ZBTB20: variants seen among roughly 807,000 people sequenced by gnomAD.
ZBTB20 encodes zinc finger and BTB domain containing 20.
ZBTB20 carries 9 observed loss-of-function variants against 56.9 expected under a neutral mutation model. The observed-to-expected ratio is 0.16, with a 90% confidence interval of 0.10 to 0.28. ZBTB20 has a LOEUF of 0.28. ZBTB20 is among the 10% of genes least tolerant of loss of function. The pLI is 1.00. For synonymous variants in ZBTB20, 417 were observed against 420.7 expected (o/e 0.99, Z 0.11); for missense variants, 655 against 1,003.0 (o/e 0.65, Z 4.69).
At chr3:114,389,285 G>T (rs979191958) in intron 7 of ZBTB20, among the ~76,000 whole-genome samples, 180 bp from the exon 8 acceptor site, 1 of 152,108 alleles carries the variant, frequency 6.6e-6, no homozygotes, top group Non-Finnish European at 1.5e-5. Context: ...TGTTGTCCAG[G>T]CTCCATTTTC....
intron 1 of ZBTB20, among the ~76,000 whole-genome samples, chr3:115,080,780 T>C (rs1261917843): frequency 1.3e-5 from 2 of 152,146 alleles, no homozygotes; most frequent in East Asian, 3.8e-4. Flanking sequence ...ATTTTCTTTT[T>C]CCTCAAGATC....
chr3:114,795,997 G>A (rs1181336586), intron 5 of ZBTB20, among the ~76,000 whole-genome samples: 4 of 152,004 alleles, frequency 2.6e-5, no homozygotes, highest in African/African-American at 9.7e-5. Flanking sequence ...CTCAATAAAA[G>A]TGTAGATGAG....
intron 10 of ZBTB20, among the ~76,000 whole-genome samples, chr3:114,366,291 A>G (rs898007350): frequency 6.6e-5 from 10 of 152,132 alleles, no homozygotes; most frequent in Non-Finnish European, 1.0e-4. Context: ...TTTAACTAAG[A>G]AGTTCTATCT....
intron 10 of ZBTB20, among the ~76,000 whole-genome samples, chr3:114,362,565 C>T (rs1360503450): frequency 3.9e-5 from 6 of 152,130 alleles, no homozygotes; most frequent in Non-Finnish European, 7.4e-5. Context: ...CCCTACCTAC[C>T]CACAGTTCTA....
intron 2 of ZBTB20, among the ~76,000 whole-genome samples, chr3:114,979,058 A>G (rs1038558605): frequency 6.6e-6 from 1 of 152,082 alleles, no homozygotes; most frequent in Admixed American, 6.6e-5. Flanking sequence ...AACAACAAAG[A>G]AAGAAAAATA....
At chr3:114,876,571 C>T (rs1268377572) in intron 4 of ZBTB20, 1 of 152,148 alleles carries the variant, frequency 6.6e-6, no homozygotes, top group East Asian at 1.9e-4. Context: ...AAAATTTTGA[C>T]TTGGAGTTAA....
In ZBTB20 at chr3:114,962,885, C is replaced by T. The variant is rs2077506789; in HGVS notation, c.-456+11481G>A. Among the ~76,000 whole-genome samples the T allele has an allele frequency of 2.0e-5, 3 of 152,082 alleles. No homozygotes were observed. In the South Asian group the frequency reaches 6.2e-4, roughly 31 times the overall value. Reference sequence around the variant, plus strand: ...GTTTAAGAAAGTGGAGGAAGCTATGCATGAAAAATAGTGTACTTAGTTGAG... The same window carrying T: ...GTTTAAGAAAGTGGAGGAAGCTATGTATGAAAAATAGTGTACTTAGTTGAG... On this transcript the variant is annotated intron_variant, in intron 3 of 11. Transcript: ENST00000675478.
intron 6 of ZBTB20, among the ~76,000 whole-genome samples, chr3:114,532,021 C>T (rs572577870): frequency 2.0e-5 from 3 of 152,240 alleles, no homozygotes; most frequent in East Asian, 3.9e-4. Flanking sequence ...TGGGTGCCTA[C>T]ACCACGAGGG....
In ZBTB20 at chr3:114,465,230, C is replaced by T. The variant is rs144147869; in HGVS notation, c.-255+35122G>A. Reference sequence around the variant, plus strand: ...TGGTGAGTGTTTGTTCTCTGTTAGGCTTGGTGCATATTAATTCGTACATAT... The same window carrying T: ...TGGTGAGTGTTTGTTCTCTGTTAGGTTTGGTGCATATTAATTCGTACATAT... On this transcript the variant is annotated intron_variant, in intron 7 of 11. Coordinates refer to ENST00000675478, the MANE Select transcript of ZBTB20 (RefSeq NM_001348800.3). Among the ~76,000 whole-genome samples the T allele has an allele frequency of 2.3e-3, 345 of 152,162 alleles. 2 individuals carry two copies. Among genetic ancestry groups the T allele is most frequent in the African/African-American group, 7.9e-3 (326 of 41,506 alleles).
At chr3:114,357,067 C>T (rs2081329931) in intron 10 of ZBTB20, 1 of 152,182 alleles carries the variant, frequency 6.6e-6, no homozygotes, top group South Asian at 2.1e-4. Context: ...GGGTCATCAG[C>T]CTATGGGAGG....
At chr3:114,469,889 G>A (rs1296142983) in intron 7 of ZBTB20, among the ~76,000 whole-genome samples, 3 of 152,032 alleles carry the variant, frequency 2.0e-5, no homozygotes, top group East Asian at 1.9e-4. Flanking sequence ...GCTTGAGATT[G>A]TGCATTAATT....
At chr3:115,139,104 TACCATCATC>T (rs2084737745) in intron 1 of ZBTB20, among the ~76,000 whole-genome samples, 2 of 152,072 alleles carry the variant, frequency 1.3e-5, no homozygotes, top group African/African-American at 4.8e-5. Context: ...TAAAATAGCT[TACCATCATC>T]TAACAGACAG....
chr3:115,138,666 G>A (rs1236780763), intron 1 of ZBTB20, among the ~76,000 whole-genome samples: 6 of 151,924 alleles, frequency 3.9e-5, no homozygotes, highest in Admixed American at 6.6e-5. Context: ...CTGAGCCTTC[G>A]CATATCTTTA....
intron 5 of ZBTB20, among the ~76,000 whole-genome samples, chr3:114,703,503 CT>C (rs111975803): frequency 6.6e-6 from 1 of 150,680 alleles, no homozygotes; most frequent in African/African-American, 2.4e-5. Context: ...GGAGGGACTA[CT>C]TTTTTTTTAT....
In ZBTB20 at chr3:115,053,453, G is replaced by A. The variant is rs974798950; in HGVS notation, c.-507+17766C>T. ...CACATCCTGAGAAGTAAACAGGGATGGAAGCCAACCATAACTCCAATCTCA... is the reference window on the plus strand; with the variant it reads ...CACATCCTGAGAAGTAAACAGGGATAGAAGCCAACCATAACTCCAATCTCA... On this transcript the variant is annotated intron_variant, in intron 2 of 11. Coordinates refer to ENST00000675478, the MANE Select transcript of ZBTB20 (RefSeq NM_001348800.3). Among the ~76,000 whole-genome samples, 57 of 152,150 alleles carry A rather than the reference G, an allele frequency of 3.7e-4. 1 individual carries two copies. Among genetic ancestry groups the A allele is most frequent in the African/African-American group, 1.4e-3 (57 of 41,448 alleles).
intron 7 of ZBTB20, among the ~76,000 whole-genome samples, chr3:114,490,872 G>A (rs79496579): frequency 0.031 from 4,772 of 152,162 alleles, 221 homozygotes; most frequent in African/African-American, 0.11. Context: ...AAACAAACTG[G>A]GTATTGTGAG....
rs992989126 is a variant in ZBTB20, at chr3:114,881,874, T to C, written c.-417+18430A>G. Among the ~76,000 whole-genome samples the C allele has an allele frequency of 5.3e-5, 8 of 151,930 alleles. No homozygotes were observed. The East Asian group carries it at 5.8e-4, about 11-fold the overall frequency. ...AAATAAGTTTTGGTTGAATCAAAGA[T>C]GTAAATATTAAGAGACTAAATCATA... On this transcript the variant is annotated intron_variant, in intron 4 of 11. Transcript: ENST00000675478.
rs1663983243 is a variant in ZBTB20 at position 114,332,529 on chromosome 3, C to CT, written c.*6475dup. The stretch of plus-strand genomic sequence containing the variant: ...TAGAATAGGAAATAGCAGCCACTAT[C>CT]TGAGAGTACCCAGTTCTAGGAAAGT... On this transcript the variant is annotated 3_prime_UTR_variant, in exon 12 of 12. Transcript: ENST00000675478. The CT allele has an allele frequency of 1.3e-5, 2 of 152,210 alleles. No individual in the cohort carries two copies. 9.4% of individuals were successfully genotyped at this position (152,210 alleles called of 1,614,324 possible). A position where few individuals can be genotyped will look rare whatever the true frequency, so the allele number is the denominator to read the frequency against.
chr3:114,669,968 G>C (rs935082919), intron 6 of ZBTB20, among the ~76,000 whole-genome samples: 4 of 151,948 alleles, frequency 2.6e-5, no homozygotes, highest in African/African-American at 9.7e-5. Flanking sequence ...AAATATAAAG[G>C]AAATTTGAAA....
Sources: gnomAD v4.1 joint callset for allele counts (sites outside exome capture counted in the v4.1 genomes callset) on GRCh38, gnomAD v4.1.1 for gene constraint, MANE v1.5 for transcripts, NCBI Gene and HGNC (gene_info 2026-07-23, HGNC 2026-07-21) for gene names.